The following ELAC2 variants were observed in gnomAD, a reference collection of about 807,000 sequenced individuals.
ELAC2 encodes the protein elaC ribonuclease Z 2.
ELAC2 carries 92 observed loss-of-function variants against 105.2 expected under a neutral mutation model. That is an observed-to-expected ratio of 0.87 (90% CI 0.74 to 1.04). The LOEUF (loss-of-function observed/expected upper bound fraction) is 1.04, where lower values mean the gene tolerates loss of function less well. Ranked by LOEUF, ELAC2 falls within the 50% of genes least tolerant of loss-of-function variation. ELAC2 has a pLI of 0.00. For synonymous variants in ELAC2, 468 were observed against 409.1 expected, an observed-to-expected ratio of 1.14 and a Z score of -1.74; for missense variants, 1,099 against 1,071.7, an observed-to-expected ratio of 1.03 and a Z score of -0.36.
At chr17:13,017,618 G>GC in intron 1 of ELAC2, 85 bp downstream of exon 1, 1 of 1,599,254 alleles carries the variant, frequency 6.3e-7, no homozygotes, top group Non-Finnish European at 8.5e-7. Context: ...AAGCAGGGAA[G>GC]CCGAAGCCCT....
At chr17:13,014,689 A>T (rs2041624692) in intron 4 of ELAC2, among the ~76,000 whole-genome samples, 193 bp from the exon 5 acceptor site, 1 of 152,178 alleles carries the variant, frequency 6.6e-6, no homozygotes, top group Non-Finnish European at 1.5e-5. Flanking sequence ...GGAAAAAGAG[A>T]TGGAGGCCTT....
At chr17:13,005,658 A>C (rs780693082) in intron 10 of ELAC2, 95 bp downstream of exon 10, 1 of 1,285,462 alleles carries the variant, frequency 7.8e-7, no homozygotes, top group Non-Finnish European at 1.1e-6. Context: ...CACGTCCTTC[A>C]AAAGTGGTGT....
intron 8 of ELAC2, among the ~76,000 whole-genome samples, chr17:13,010,261 C>G (rs902162809): frequency 5.3e-5 from 8 of 152,102 alleles, no homozygotes; most frequent in African/African-American, 1.9e-4. Context: ...ACCTCCGCCT[C>G]CTGTGTTCAA....
At position 12,992,131 on chromosome 17, in the gene ELAC2, A is replaced by ATTGC. The variant is rs2040207173; in HGVS notation, c.*686_*687insGCAA. On this transcript the variant is annotated 3_prime_UTR_variant, in exon 24 of 24. Transcript: ENST00000338034. ...AGCCAGGCTCTCACTGATTGATTTG[A>ATTGC]TTGATTGATTGATTGATTGATAGAG... Among the ~76,000 whole-genome samples the ATTGC allele has an allele frequency of 1.1e-5, 1 of 91,772 alleles. No homozygotes were observed. Among genetic ancestry groups the ATTGC allele is most frequent in the South Asian group, 3.6e-4 (1 of 2,786 alleles). 60.2% of individuals were successfully genotyped at this position (91,772 alleles called of 152,430 possible).
chr17:13,010,025 G>A (rs1217993205), intron 8 of ELAC2, among the ~76,000 whole-genome samples: 1 of 149,968 alleles, frequency 6.7e-6, no homozygotes, highest in Admixed American at 6.6e-5. Context: ...GAGGCTGACA[G>A]GGCACTGGAA....
intron 7 of ELAC2, 147 bp downstream of exon 7, chr17:13,011,516 C>CA: frequency 7.3e-7 from 1 of 1,364,096 alleles, no homozygotes; most frequent in Admixed American, 1.8e-5. Flanking sequence ...CTCATTCCCC[C>CA]AACGGGCCAA....
intron 18 of ELAC2, 63 bp downstream of exon 18, chr17:12,995,877 G>C: frequency 1.3e-6 from 2 of 1,584,632 alleles, no homozygotes; most frequent in South Asian, 2.3e-5. Flanking sequence ...GGAGTGCCAA[G>C]AGGCATGGCG....
At chr17:13,017,453 A>C in intron 1 of ELAC2, 2 of 751,068 alleles carry the variant, frequency 2.7e-6, no homozygotes, top group South Asian at 3.7e-5. Context: ...GAAAGTGCTG[A>C]CAGCCAGGCC....
intron 11 of ELAC2, chr17:13,004,246 C>A (rs75532428): frequency 3.7e-4 from 58 of 156,620 alleles, no homozygotes; most frequent in Admixed American, 1.8e-3. Context: ...GGGCTACCAG[C>A]GCATCCAAAT....
chr17:13,003,581 AG>A lies in ELAC2; in HGVS notation c.984-8del. Reference sequence around the variant, plus strand: ...ATCTGCCTTTCCTTGGTACCTGGGCAGAAGAGTGGGGCTTTACAAAGTGATG... The same window carrying A: ...ATCTGCCTTTCCTTGGTACCTGGGCAAAGAGTGGGGCTTTACAAAGTGATG... On this transcript the variant is annotated splice_polypyrimidine_tract_variant and splice_region_variant and intron_variant, in intron 11 of 23. Coordinates refer to ENST00000338034, the MANE Select transcript of ELAC2 (RefSeq NM_018127.7). 1 of 1,613,450 alleles carries A rather than the reference AG, an allele frequency of 6.2e-7. No individual in the cohort carries two copies.
intron 3 of ELAC2, among the ~76,000 whole-genome samples, chr17:13,016,486 G>A (rs772819356): frequency 2.6e-5 from 4 of 152,042 alleles, no homozygotes; most frequent in African/African-American, 4.8e-5. Flanking sequence ...GACTGGGCTG[G>A]TATAAAAAGA....
intron 17 of ELAC2, 151 bp downstream of exon 17, chr17:12,996,392 TGTTG>T: frequency 9.7e-7 from 1 of 1,033,768 alleles, no homozygotes; most frequent in Non-Finnish European, 1.5e-6. Flanking sequence ...AGAAGGACTA[TGTTG>T]AGTTTTGCAA....
rs540084896 is a variant in ELAC2 at position 12,991,938 on chromosome 17, A to G, written c.*880T>C. On this transcript the variant is annotated 3_prime_UTR_variant, in exon 24 of 24. Coordinates refer to ENST00000338034, the MANE Select transcript of ELAC2 (RefSeq NM_018127.7). The stretch of plus-strand genomic sequence containing the variant: ...ACTAATCCACGTCTGTAAATCCCGC[A>G]AGGAGGACAATGGAAACCAGCCCCG... Among the ~76,000 whole-genome samples, 1 of 152,284 alleles carries G rather than the reference A, an allele frequency of 6.6e-6. No homozygotes were observed. The highest frequency in any genetic ancestry group is 2.4e-5 in the African/African-American group (1 of 41,562).
intron 1 of ELAC2, 114 bp from the exon 2 acceptor site, chr17:13,017,235 A>G (rs1485039704): frequency 1.0e-5 from 12 of 1,186,140 alleles, no homozygotes; most frequent in South Asian, 6.4e-5. Context: ...AAAAAAATTA[A>G]AAGTCCACGT....
intron 8 of ELAC2, among the ~76,000 whole-genome samples, chr17:13,010,324 C>T (rs985705679): frequency 6.6e-6 from 1 of 152,126 alleles, no homozygotes; most frequent in South Asian, 2.1e-4. Flanking sequence ...GCATGCGCCA[C>T]CACACCCAGC....
At chr17:12,996,108 G>C in intron 17 of ELAC2, 130 bp from the exon 18 acceptor site, 2 of 1,013,234 alleles carry the variant, frequency 2.0e-6, no homozygotes, top group Non-Finnish European at 3.0e-6. Context: ...CACAGCCGCA[G>C]TGGGGGTGGC....
intron 17 of ELAC2, 117 bp from the exon 18 acceptor site, chr17:12,996,095 T>TA (rs1315638082): frequency 1.8e-6 from 2 of 1,138,746 alleles, no homozygotes; most frequent in African/African-American, 3.1e-5. Flanking sequence ...CACCAGCCTC[T>TA]AACACAGCCG....
chr17:12,992,418 A>AAAT lies in ELAC2; in HGVS notation c.*397_*399dup, dbSNP rs1023876942. The AAAT allele has an allele frequency of 5.4e-6, 2 of 370,346 alleles. No individual in the cohort carries two copies. Among genetic ancestry groups the AAAT allele is most frequent in the East Asian group, 4.4e-5 (1 of 22,508 alleles). 22.9% of individuals were successfully genotyped at this position (370,346 alleles called of 1,614,324 possible). A position where few individuals can be genotyped will look rare whatever the true frequency, so the allele number is the denominator to read the frequency against. ...GCAAACTCAATCTTTATTGCAGCTG[A>AAAT]AATACTATTTTCGTTAAGTCTCGGA... On this transcript the variant is annotated 3_prime_UTR_variant, in exon 24 of 24. Coordinates refer to ENST00000338034, the MANE Select transcript of ELAC2 (RefSeq NM_018127.7).
At chr17:13,014,926 G>A (rs551910673) in intron 4 of ELAC2, among the ~76,000 whole-genome samples, 1 of 152,350 alleles carries the variant, frequency 6.6e-6, no homozygotes, top group African/African-American at 2.4e-5. Context: ...ACCCGCGGAA[G>A]GGCGAAAGTC....
Sources: gnomAD v4.1 joint callset for allele counts (sites outside exome capture counted in the v4.1 genomes callset) on GRCh38, gnomAD v4.1.1 for gene constraint, MANE v1.5 for transcripts, NCBI Gene and HGNC (gene_info 2026-07-23, HGNC 2026-07-21) for gene names.